L2HGDH: variants seen among roughly 807,000 people sequenced by gnomAD.
The protein encoded by L2HGDH is L-2-hydroxyglutarate dehydrogenase, mitochondrial.
In L2HGDH, 34 loss-of-function variants were observed where a neutral mutation model predicts 51.5. The observed-to-expected ratio is 0.66, with a 90% CI of 0.50 to 0.88. L2HGDH has a LOEUF of 0.88. L2HGDH is among the 40% of genes least tolerant of loss of function. The pLI is 0.00. For missense variants in L2HGDH, 558 were observed against 571.9 expected, an observed-to-expected ratio of 0.98 and a Z score of 0.25; for synonymous variants, 198 against 197.9, an observed-to-expected ratio of 1.00 and a Z score of -0.01.
At chr14:50,299,253 A>T (rs1488242625) in intron 3 of L2HGDH, among the ~76,000 whole-genome samples, 1 of 152,180 alleles carries the variant, frequency 6.6e-6, no homozygotes, top group Non-Finnish European at 1.5e-5. Context: ...GGACACATAC[A>T]ACCTACCAAG....
intron 8 of L2HGDH, among the ~76,000 whole-genome samples, chr14:50,266,960 A>G (rs1889369547): frequency 6.6e-6 from 1 of 152,174 alleles, no homozygotes; most frequent in Non-Finnish European, 1.5e-5. Context: ...TACTTTGGTC[A>G]TCAGTAATTT....
At chr14:50,271,257 C>T (rs1172035409) in intron 6 of L2HGDH, among the ~76,000 whole-genome samples, 1 of 152,150 alleles carries the variant, frequency 6.6e-6, no homozygotes, top group African/African-American at 2.4e-5. Context: ...AGCTCCTACA[C>T]AAAAGATTGG....
At position 50,269,262 on chromosome 14, in the gene L2HGDH, C is replaced by A. The variant is rs1385874099; in HGVS notation, c.807G>T (p.Leu269Phe). 6.2e-7 allele frequency: 1 copy of A among 1,614,030 alleles called. No homozygotes were observed. Among genetic ancestry groups the A allele is most frequent in the South Asian group, 1.1e-5 (1 of 91,076 alleles). Residue 269 changes from leucine to phenylalanine, a missense_variant, in exon 7 of 10, where the codon TTG (leucine) becomes TTT (phenylalanine). This residue lies in a region of L2HGDH where 321 missense variants were observed against 311.8 expected (regional missense o/e 1.03). Coordinates refer to ENST00000267436, the MANE Select transcript of L2HGDH (RefSeq NM_024884.3). ...AGLYSDRISE[L>F]SGCTPDPRIV... ...TTCGAGGATCAGGAGTGCAGCCACT[C>A]AACTCTGAAATACGGTCTGAGTAAA...
intron 6 of L2HGDH, among the ~76,000 whole-genome samples, chr14:50,276,203 G>A (rs934712392): frequency 3.3e-5 from 5 of 152,162 alleles, no homozygotes; most frequent in South Asian, 2.1e-4. Flanking sequence ...GGCTGCTAAC[G>A]GCACAGACTT....
At chr14:50,309,687 C>CCT (rs2030949335) in intron 1 of L2HGDH, among the ~76,000 whole-genome samples, 1 of 111,638 alleles carries the variant, frequency 9.0e-6, no homozygotes, top group Non-Finnish European at 1.9e-5. Context: ...TTTATACCAC[C>CCT]CTTTTTTTTT....
At chr14:50,286,847 T>C (rs1478422475) in intron 4 of L2HGDH, among the ~76,000 whole-genome samples, 1 of 152,204 alleles carries the variant, frequency 6.6e-6, no homozygotes, top group South Asian at 2.1e-4. Context: ...TCCCTTAACA[T>C]TGGTATAAGA....
At chr14:50,292,783 G>T (rs1890952745) in intron 4 of L2HGDH, among the ~76,000 whole-genome samples, 2 of 152,108 alleles carry the variant, frequency 1.3e-5, no homozygotes, top group Non-Finnish European at 2.9e-5. Flanking sequence ...TACTAGAGAG[G>T]CCGAGGCAGG....
In L2HGDH at chr14:50,303,034, T is replaced by C. The variant is rs757246815; in HGVS notation, c.141-17A>G. The stretch of plus-strand genomic sequence containing the variant: ...TCAAATGAGCTTCAAAAGAAAGTCA[T>C]CTTTAAAGTAATTCATATTTACAGT... On this transcript the variant is annotated splice_polypyrimidine_tract_variant and intron_variant, in intron 1 of 9. Coordinates refer to ENST00000267436, the MANE Select transcript of L2HGDH (RefSeq NM_024884.3). The C allele has an allele frequency of 8.7e-6, 13 of 1,489,730 alleles. No homozygotes were observed. In the African/African-American group the frequency reaches 9.7e-5, roughly 11 times the overall value. 92.3% of individuals were successfully genotyped at this position (1,489,730 alleles called of 1,614,324 possible).
chr14:50,242,449 T>G lies in L2HGDH; in HGVS notation c.*4609A>C, dbSNP rs539677949. The G allele has an allele frequency of 1.0e-6, 1 of 983,204 alleles. No individual in the cohort carries two copies. Among genetic ancestry groups the G allele is most frequent in the East Asian group, 1.1e-4 (1 of 8,814 alleles). The allele number at this position is 983,204 out of a possible 1,614,324, so 60.9% of individuals were successfully genotyped here. ...CAAAAGAAACTTAAAATAAGATAAC[T>G]TTAATGTGAGATCCTTCCCATAAGC... is the stretch of plus-strand genomic sequence containing the variant. On this transcript the variant is annotated 3_prime_UTR_variant, in exon 10 of 10. Transcript: ENST00000267436.
intron 9 of L2HGDH, among the ~76,000 whole-genome samples, chr14:50,253,957 T>C (rs1188186286): frequency 6.6e-6 from 1 of 152,054 alleles, no homozygotes; most frequent in African/African-American, 2.4e-5. Flanking sequence ...TACTTATTAG[T>C]GGGATCTAAA....
At chr14:50,274,797 G>C (rs190131194) in intron 6 of L2HGDH, among the ~76,000 whole-genome samples, 2 of 152,210 alleles carry the variant, frequency 1.3e-5, no homozygotes, top group East Asian at 3.9e-4. Flanking sequence ...GCCATAAAAA[G>C]GACAAAATTC....
At position 50,298,595 on chromosome 14, in the gene L2HGDH, C is replaced by T. The variant is rs116983704; in HGVS notation, c.408+3422G>A. Among the ~76,000 whole-genome samples, 347 of 152,120 alleles carry T rather than the reference C, an allele frequency of 2.3e-3. 2 individuals are homozygous for T. The highest frequency in any genetic ancestry group is 9.3e-3 in the East Asian group (48 of 5,170). On this transcript the variant is annotated intron_variant, in intron 3 of 9. Coordinates refer to ENST00000267436, the MANE Select transcript of L2HGDH (RefSeq NM_024884.3). The stretch of plus-strand genomic sequence containing the variant: ...TCCCAAAGTGCTGGGATTAGGGGTG[C>T]GAGCCACCATGCCCGGCCGGGAGGT...
At chr14:50,259,384 T>TCC (rs1888874761) in intron 9 of L2HGDH, among the ~76,000 whole-genome samples, 3 of 111,922 alleles carry the variant, frequency 2.7e-5, no homozygotes, top group African/African-American at 9.3e-5. Flanking sequence ...TTTTTTTTTT[T>TCC]CAGAAATGGG....
intron 9 of L2HGDH, among the ~76,000 whole-genome samples, chr14:50,251,957 T>A (rs1030490669): frequency 1.3e-5 from 2 of 151,928 alleles, no homozygotes; most frequent in Non-Finnish European, 2.9e-5. Context: ...CAAGCACACA[T>A]AAAAAACACA....
In L2HGDH at chr14:50,293,353, G is replaced by A. The variant is rs543787980; in HGVS notation, c.540+762C>T. On this transcript the variant is annotated intron_variant, in intron 4 of 9. Coordinates refer to ENST00000267436, the MANE Select transcript of L2HGDH (RefSeq NM_024884.3). ...TATAAAAATCAATTCCAAATGGACT[G>A]TAGATCTAAATGTGAAATGTAAAAC... 183 of 686,142 alleles carry A rather than the reference G, an allele frequency of 2.7e-4. No homozygotes were observed. In the African/African-American group the frequency reaches 3.0e-3, roughly 11 times the overall value. The allele number at this position is 686,142 out of a possible 1,614,324, so 42.5% of individuals were successfully genotyped here.
chr14:50,303,068 C>A, intron 1 of L2HGDH, 51 bp from the exon 2 acceptor site: 3 of 1,088,922 alleles, frequency 2.8e-6, no homozygotes, highest in Non-Finnish European at 4.3e-6. Flanking sequence ...GTAGACCTCG[C>A]CAAACTTCAC....
intron 7 of L2HGDH, 120 bp downstream of exon 7, chr14:50,269,043 C>A (rs1403146283): frequency 6.7e-6 from 5 of 744,186 alleles, no homozygotes; most frequent in East Asian, 3.0e-5. Flanking sequence ...CGATGAAATG[C>A]TTACAAAAAC....
intron 9 of L2HGDH, among the ~76,000 whole-genome samples, chr14:50,260,967 A>G (rs1346300914): frequency 1.3e-5 from 2 of 152,140 alleles, no homozygotes; most frequent in African/African-American, 4.8e-5. Flanking sequence ...AATACAAAAA[A>G]TTAGCCGGGT....
chr14:50,246,166 C>T lies in L2HGDH; in HGVS notation c.*892G>A, dbSNP rs1303469569. ...AAGTCAGGGATTCGGACAGATAAAA[C>T]TGTACCTTGCCTCTTTATTCGCAAA... On this transcript the variant is annotated 3_prime_UTR_variant, in exon 10 of 10. Coordinates refer to ENST00000267436, the MANE Select transcript of L2HGDH (RefSeq NM_024884.3). 11 of 151,460 alleles carry T rather than the reference C, an allele frequency of 7.3e-5. No homozygotes were observed. The allele number at this position is 151,460 out of a possible 1,614,324, so 9.4% of individuals were successfully genotyped here. A position where few individuals can be genotyped will look rare whatever the true frequency, so the allele number is the denominator to read the frequency against.
Sources: gnomAD v4.1 joint callset for allele counts (sites outside exome capture counted in the v4.1 genomes callset) on GRCh38, gnomAD v4.1.1 for gene constraint, gnomAD v4.1.1 regional missense constraint, MANE v1.5 for transcripts, NCBI Gene and HGNC (gene_info 2026-07-23, HGNC 2026-07-21) for gene names.